The following NCOR1 variants were observed in gnomAD, a reference collection of about 807,000 sequenced individuals.
The protein encoded by NCOR1 is protein phosphatase 1, regulatory subunit 109.
NCOR1 carries 63 observed loss-of-function variants against 288.1 expected under a neutral mutation model. The observed-to-expected ratio is 0.22, with a 90% CI of 0.18 to 0.27. NCOR1 has a LOEUF of 0.27. Among genes scored for constraint, NCOR1 ranks in the 10% least tolerant of loss-of-function variants. NCOR1 has a pLI of 1.00. For synonymous variants in NCOR1, 1,007 were observed against 1,065.9 expected, an observed-to-expected ratio of 0.94 and a Z score of 1.08; for missense variants, 2,397 against 3,019.2, an observed-to-expected ratio of 0.79 and a Z score of 4.83.
intron 30 of NCOR1, 77 bp downstream of exon 30, chr17:16,071,332 T>C: frequency 6.5e-7 from 1 of 1,537,320 alleles, no homozygotes; most frequent in Non-Finnish European, 8.8e-7. Context: ...TAAGAACCAC[T>C]TATAATTATT....
chr17:16,158,995 A>G (rs1599626668), intron 5 of NCOR1, 122 bp from the exon 6 acceptor site: 1 of 535,152 alleles, frequency 1.9e-6, no homozygotes, highest in East Asian at 3.1e-5. Flanking sequence ...TAACCAATTA[A>G]TCCATGAAGG....
chr17:16,120,919 A>T, intron 16 of NCOR1, 133 bp downstream of exon 16: 1 of 798,518 alleles, frequency 1.3e-6, no homozygotes, highest in Non-Finnish European at 1.8e-6. Context: ...ATTAAAGTTT[A>T]AAAAATTTAA....
intron 1 of NCOR1, among the ~76,000 whole-genome samples, chr17:16,213,057 CAAAA>C (rs34419344): frequency 3.0e-4 from 35 of 114,876 alleles, no homozygotes; most frequent in Non-Finnish European, 3.2e-4. Context: ...ACCCTGTCTC[CAAAA>C]AAAAAAAAAA....
At chr17:16,119,992 A>T (rs2072648495) in intron 16 of NCOR1, among the ~76,000 whole-genome samples, 1 of 151,596 alleles carries the variant, frequency 6.6e-6, no homozygotes, top group Non-Finnish European at 1.5e-5. Context: ...GAAAAAAACA[A>T]AACAAAACAA....
At chr17:16,096,652 C>T (rs1174031757) in intron 21 of NCOR1, among the ~76,000 whole-genome samples, 1 of 151,990 alleles carries the variant, frequency 6.6e-6, no homozygotes, top group Admixed American at 6.6e-5. Flanking sequence ...CCGTTTCAAT[C>T]AATCATCACA....
At chr17:16,170,379 TG>T (rs2082901993) in intron 4 of NCOR1, among the ~76,000 whole-genome samples, 1 of 152,000 alleles carries the variant, frequency 6.6e-6, no homozygotes, top group South Asian at 2.1e-4. Context: ...AAAAAGACAC[TG>T]GGAAAAATAT....
intron 14 of NCOR1, among the ~76,000 whole-genome samples, chr17:16,130,626 A>G (rs979082548): frequency 6.6e-6 from 1 of 152,250 alleles, no homozygotes; most frequent in African/African-American, 2.4e-5. Flanking sequence ...GAACACATAT[A>G]AAACAAAATG....
At chr17:16,179,798 G>A (rs1426438462) in intron 3 of NCOR1, among the ~76,000 whole-genome samples, 3 of 152,010 alleles carry the variant, frequency 2.0e-5, no homozygotes, top group South Asian at 2.1e-4. Flanking sequence ...GGCGGATCAC[G>A]AGGTCAGGAG....
chr17:16,093,275 TCTC>T (rs1202461529), intron 21 of NCOR1, among the ~76,000 whole-genome samples: 2 of 152,194 alleles, frequency 1.3e-5, no homozygotes, highest in Non-Finnish European at 2.9e-5. Context: ...GACTAATTAA[TCTC>T]CTCCTCTCCC....
At chr17:16,080,231 G>T (rs2063191738) in intron 25 of NCOR1, 167 bp from the exon 26 acceptor site, 1 of 772,810 alleles carries the variant, frequency 1.3e-6, no homozygotes, top group Admixed American at 3.0e-5. Flanking sequence ...TAATACTAAA[G>T]AACTGCTGAA....
chr17:16,109,029 G>T, intron 18 of NCOR1, 117 bp from the exon 19 acceptor site: 1 of 824,716 alleles, frequency 1.2e-6, no homozygotes, highest in Non-Finnish European at 1.7e-6. Flanking sequence ...GAGGTCACAT[G>T]TTTGACAATA....
chr17:16,189,870 G>A (rs2087733489), intron 2 of NCOR1, among the ~76,000 whole-genome samples: 1 of 152,188 alleles, frequency 6.6e-6, no homozygotes, highest in South Asian at 2.1e-4. Context: ...CTGAATAGAA[G>A]CAAACAGCAA....
intron 14 of NCOR1, 34 bp downstream of exon 14, chr17:16,137,277 C>A: frequency 7.0e-7 from 1 of 1,430,094 alleles, no homozygotes; most frequent in South Asian, 1.2e-5. Context: ...TCCCCCAATC[C>A]TGAAATATCT....
chr17:16,151,576 C>T, intron 8 of NCOR1: 1 of 1,318,348 alleles, frequency 7.6e-7, no homozygotes, highest in Non-Finnish European at 1.0e-6. Flanking sequence ...AATGAAAAAG[C>T]TTCATTATCT....
At chr17:16,063,853 G>A (rs192504155) in intron 35 of NCOR1, among the ~76,000 whole-genome samples, 3 of 152,244 alleles carry the variant, frequency 2.0e-5, no homozygotes, top group East Asian at 1.9e-4. Flanking sequence ...AAATAAAAAT[G>A]ATACCTTCAT....
At chr17:16,095,621 A>G in intron 21 of NCOR1, among the ~76,000 whole-genome samples, 2 of 11,918 alleles carry the variant, frequency 1.7e-4, no homozygotes, top group African/African-American at 5.7e-4. Flanking sequence ...CTGGGAAGTG[A>G]GGAGCCCCTC....
Position 16,139,083 on chromosome 17 carries a change from T to G in NCOR1, c.1277A>C (p.Asp426Ala), listed in dbSNP as rs2076819014. ...CCTATCTTTATACACTTTCATAGGG[T>G]CCTCCATAAGCCCATTCATGTTAAT... ...KFINMNGLME[D>A]PMKVYKDRQF... The change falls in exon 12 of 46, where the codon GAC becomes GCC. Residue 426 changes from aspartate to alanine, a missense_variant. By Grantham distance (126) the Asp-to-Ala change is moderately radical. This residue lies in a region of NCOR1 where 80 missense variants were observed against 100.3 expected (regional missense o/e 0.80). Transcript: ENST00000268712. 1 of 1,612,544 alleles carries G rather than the reference T, an allele frequency of 6.2e-7. No homozygotes were observed. The highest frequency in any genetic ancestry group is 2.2e-5 in the East Asian group (1 of 44,860).
At position 16,048,920 on chromosome 17, in the gene NCOR1, T is replaced by C. The variant is rs766046793; in HGVS notation, c.6461A>G (p.Gln2154Arg). Residue 2154 changes from glutamine to arginine, a missense_variant, in exon 41 of 46, where the codon CAG becomes CGG. Around this residue, in one of 11 missense-constraint regions of NCOR1, gnomAD observed 1,872 missense variants for 2,187.8 expected, o/e 0.86. Transcript: ENST00000268712. Reference protein sequence around the residue: ...SEPYEPISPPQVPVVHEKQDS... With the variant: ...SEPYEPISPPRVPVVHEKQDS... ...CTGTTTCTCATGCACAACCGGAACC[T>C]GGGGTGGGGAGATGGGCTCGTAGGG... 23 of 1,613,830 alleles carry C rather than the reference T, an allele frequency of 1.4e-5. No homozygotes were observed. Among genetic ancestry groups the C allele is most frequent in the Non-Finnish European group, 1.9e-5 (23 of 1,179,838 alleles).
chr17:16,082,694 G>C (rs2063577256), intron 23 of NCOR1, among the ~76,000 whole-genome samples: 4 of 150,730 alleles, frequency 2.7e-5, no homozygotes, highest in Admixed American at 1.3e-4. Flanking sequence ...ACTCCAGCCT[G>C]AGCAACAGAA....
Sources: allele counts gnomAD v4.1 joint callset (sites outside exome capture counted in the v4.1 genomes callset), GRCh38; gene constraint gnomAD v4.1.1; regional missense constraint gnomAD v4.1.1; transcripts MANE v1.5; gene names NCBI Gene and HGNC (gene_info 2026-07-23, HGNC 2026-07-21).